The following TAF12 variants were observed in gnomAD, a reference collection of about 807,000 sequenced individuals.
TAF12 encodes TATA-box binding protein associated factor 12.
Under a neutral mutation model 20.8 loss-of-function variants are expected in TAF12, and 3 were observed. The observed-to-expected ratio is 0.14, with a 90% CI of 0.07 to 0.37. TAF12 has a LOEUF of 0.37. Among genes scored for constraint, TAF12 ranks in the 10% least tolerant of loss-of-function variants. The probability of loss-of-function intolerance (pLI) is 1.00; values close to 1 mark genes in which losing one functional copy is unlikely to be tolerated. For missense variants in TAF12, 131 were observed against 197.9 expected, an observed-to-expected ratio of 0.66 and a Z score of 2.03; for synonymous variants, 69 against 70.2, an observed-to-expected ratio of 0.98 and a Z score of 0.09.
At chr1:28,618,143 A>G (rs754601835) in intron 2 of TAF12, 113 bp from the exon 3 acceptor site, 49 of 931,348 alleles carry the variant, frequency 5.3e-5, no homozygotes, top group African/African-American at 9.8e-5. Flanking sequence ...CCACTTTCCA[A>G]TGAGTTCACA....
At chr1:28,639,211 G>A (rs938528310) in intron 1 of TAF12, among the ~76,000 whole-genome samples, 2 of 151,570 alleles carry the variant, frequency 1.3e-5, no homozygotes, top group African/African-American at 4.8e-5. Flanking sequence ...GAGGTCAGGA[G>A]TTCGAGACAA....
At chr1:28,615,506 C>G (rs1667003479) in intron 3 of TAF12, among the ~76,000 whole-genome samples, 1 of 151,592 alleles carries the variant, frequency 6.6e-6, no homozygotes, top group Non-Finnish European at 1.5e-5. Context: ...TGGTGAAACC[C>G]CGTCTCTACT....
chr1:28,634,625 T>A (rs1667755149), intron 1 of TAF12, among the ~76,000 whole-genome samples: 1 of 151,638 alleles, frequency 6.6e-6, no homozygotes, highest in African/African-American at 2.4e-5. Context: ...TGGGTTAGAG[T>A]TCAATTTAAA....
intron 4 of TAF12, among the ~76,000 whole-genome samples, chr1:28,606,222 C>T (rs1187360130): frequency 6.6e-6 from 1 of 152,120 alleles, no homozygotes; most frequent in Non-Finnish European, 1.5e-5. Flanking sequence ...TGGTCTTGAA[C>T]TCCTGACCTC....
Position 28,622,168 on chromosome 1 carries a change from G to A in TAF12, c.-84-3C>T. On this transcript the variant is annotated splice_region_variant and splice_polypyrimidine_tract_variant and intron_variant, in intron 1 of 5. Coordinates refer to ENST00000373824, the MANE Select transcript of TAF12 (RefSeq NM_005644.4). ...CTGTGAGGACCAAGGCCAATTAACT[G>A]GAGAAGAAAAGCACAAGAATTAGCT... is the stretch of plus-strand genomic sequence containing the variant. 2 of 1,505,342 alleles carry A rather than the reference G, an allele frequency of 1.3e-6. No homozygotes were observed. The highest frequency in any genetic ancestry group is 1.4e-5 in the South Asian group (1 of 72,026). 93.2% of individuals were successfully genotyped at this position (1,505,342 alleles called of 1,614,324 possible). A position where few individuals can be genotyped will look rare whatever the true frequency, so the allele number is the denominator to read the frequency against.
upstream of TAF12, among the ~76,000 whole-genome samples, chr1:28,644,519 T>C (rs1035269313): frequency 3.3e-4 from 50 of 152,364 alleles, no homozygotes; most frequent in African/African-American, 1.2e-3. Flanking sequence ...TTGAGTCTCA[T>C]TGTGTGACAA....
intron 4 of TAF12, among the ~76,000 whole-genome samples, chr1:28,609,333 C>T (rs1570296450): frequency 1.3e-5 from 2 of 152,246 alleles, no homozygotes; most frequent in South Asian, 4.1e-4. Context: ...GCCTCGGCCT[C>T]CCAAAGTGCT....
chr1:28,625,831 G>A (rs1436550653), intron 1 of TAF12, among the ~76,000 whole-genome samples: 13 of 150,874 alleles, frequency 8.6e-5, no homozygotes, highest in Non-Finnish European at 1.8e-4. Context: ...GTGAGCCACC[G>A]CGCCTGGCCC....
At chr1:28,627,665 CAAAAAAA>C (rs61016146) in intron 1 of TAF12, among the ~76,000 whole-genome samples, 16 of 103,468 alleles carry the variant, frequency 1.5e-4, no homozygotes, top group Non-Finnish European at 2.1e-4. Flanking sequence ...TGCACTCCCT[CAAAAAAA>C]AAAAAAAAAA....
intron 1 of TAF12, among the ~76,000 whole-genome samples, chr1:28,632,823 T>C (rs867879279): frequency 5.5e-4 from 84 of 152,068 alleles, no homozygotes; most frequent in Admixed American, 9.8e-4. Context: ...ATTCTATGAG[T>C]TATGACTGTA....
At chr1:28,604,938 C>G (rs1246620109) in intron 5 of TAF12, among the ~76,000 whole-genome samples, 1 of 152,144 alleles carries the variant, frequency 6.6e-6, no homozygotes, top group Non-Finnish European at 1.5e-5. Flanking sequence ...GCCAGAATGT[C>G]CAGCACGGCA....
At chr1:28,628,293 AGGT>A (rs1361297070) in intron 1 of TAF12, among the ~76,000 whole-genome samples, 1 of 125,428 alleles carries the variant, frequency 8.0e-6, no homozygotes, top group Non-Finnish European at 1.6e-5. Flanking sequence ...TGAACCCAGG[AGGT>A]GGAGGTTGCA....
chr1:28,622,645 T>C (rs187385974), intron 1 of TAF12, among the ~76,000 whole-genome samples: 2 of 152,038 alleles, frequency 1.3e-5, no homozygotes, highest in African/African-American at 4.8e-5. Flanking sequence ...TCCCAGCATG[T>C]TGGGTGCCTG....
At chr1:28,643,887 T>C (rs2124398780), upstream of TAF12, among the ~76,000 whole-genome samples, 1 of 152,028 alleles carries the variant, frequency 6.6e-6, no homozygotes, top group South Asian at 2.1e-4. Flanking sequence ...CCGTCTCTAC[T>C]AAAAATACAA....
chr1:28,623,446 G>C (rs1483671078), intron 1 of TAF12, among the ~76,000 whole-genome samples: 1 of 151,522 alleles, frequency 6.6e-6, no homozygotes, highest in African/African-American at 2.4e-5. Flanking sequence ...GCTTGAACTC[G>C]GGATGCAGAG....
chr1:28,610,325 T>C (rs992424084), intron 4 of TAF12, among the ~76,000 whole-genome samples: 3 of 152,014 alleles, frequency 2.0e-5, no homozygotes, highest in Non-Finnish European at 4.4e-5. Context: ...GACAGGGTCT[T>C]ACTCTGTCAC....
chr1:28,641,610 A>G (rs945251358), intron 1 of TAF12, among the ~76,000 whole-genome samples: 2 of 152,104 alleles, frequency 1.3e-5, no homozygotes, highest in Admixed American at 6.6e-5. Flanking sequence ...CCTGGGCAAT[A>G]TAGTGAGACC....
chr1:28,624,319 G>A (rs1286504120), intron 1 of TAF12, among the ~76,000 whole-genome samples: 1 of 152,130 alleles, frequency 6.6e-6, no homozygotes, highest in Non-Finnish European at 1.5e-5. Context: ...AAAATTGTGG[G>A]ATATGAGCCT....
chr1:28,632,803 T>C lies in TAF12; in HGVS notation c.-85+10189A>G, dbSNP rs551691708. Among the ~76,000 whole-genome samples the C allele has an allele frequency of 1.3e-4, 20 of 152,234 alleles. 1 individual carries two copies. The South Asian group carries it at 4.1e-3, about 32-fold the overall frequency. On this transcript the variant is annotated intron_variant, in intron 1 of 5. Transcript: ENST00000373824. Reference sequence around the variant, plus strand: ...GTTGTAGTGCTTACATGACAGTATATATTTGTCATATTCTATGAGTTATGA... The same window carrying C: ...GTTGTAGTGCTTACATGACAGTATACATTTGTCATATTCTATGAGTTATGA...
Sources: gnomAD v4.1 joint callset for allele counts (sites outside exome capture counted in the v4.1 genomes callset) on GRCh38, gnomAD v4.1.1 for gene constraint, MANE v1.5 for transcripts, NCBI Gene and HGNC (gene_info 2026-07-23, HGNC 2026-07-21) for gene names.